The following IST1 variants were observed in gnomAD, a reference collection of about 807,000 sequenced individuals.
IST1 encodes the protein IST1 factor associated with ESCRT-III.
Under a neutral mutation model 37.0 loss-of-function variants are expected in IST1, and 23 were observed. The ratio of observed to expected loss-of-function variants is 0.62; its 90% confidence interval spans 0.45 to 0.88. IST1 has a LOEUF of 0.88. Among genes scored for constraint, IST1 ranks in the 40% least tolerant of loss-of-function variants. The pLI is 0.00. For missense variants in IST1, 488 were observed against 445.4 expected (o/e 1.10, Z -0.86); for synonymous variants, 180 against 161.7 (o/e 1.11, Z -0.86).
chr16:71,908,558 G>C (rs1288268555), intron 1 of IST1, among the ~76,000 whole-genome samples: 1 of 152,164 alleles, frequency 6.6e-6, no homozygotes, highest in Admixed American at 6.6e-5. Context: ...TGGGATTACA[G>C]GTGTGAGCCA....
intron 1 of IST1, among the ~76,000 whole-genome samples, chr16:71,904,280 C>T (rs370148930): frequency 1.1e-4 from 16 of 152,236 alleles, no homozygotes; most frequent in Admixed American, 6.5e-4. Context: ...TATGCCACCA[C>T]GCCTGGCTAA....
rs766865783 is a variant in IST1 at position 71,929,328 on chromosome 16, T to C, written c.*1515T>C. 2.9e-5 allele frequency: 13 copies of C among 451,968 alleles called. No homozygotes were observed. Among genetic ancestry groups the C allele is most frequent in the African/African-American group, 6.0e-5 (3 of 50,230 alleles). The allele number at this position is 451,968 out of a possible 1,614,324, so 28.0% of individuals were successfully genotyped here. A position where few individuals can be genotyped will look rare whatever the true frequency, so the allele number is the denominator to read the frequency against. On this transcript the variant is annotated 3_prime_UTR_variant, in exon 10 of 10. Transcript: ENST00000378799. ...GGTGGTGAGTTCTGTTACTTGCTGCTTGGCAGCAGAGCTAGTTTGTCTCGT... is the reference window on the plus strand; with the variant it reads ...GGTGGTGAGTTCTGTTACTTGCTGCCTGGCAGCAGAGCTAGTTTGTCTCGT...
rs528698833 is a variant in IST1 at position 71,916,374 on chromosome 16, C to T, written c.89-88C>T. On this transcript the variant is annotated intron_variant, in intron 2 of 9. Transcript: ENST00000378799. ...AGGAGCTAGGATATAGTAGAAACACCCAGTTCTTCCTGTTGGGGGGAGATT... is the reference window on the plus strand; with the variant it reads ...AGGAGCTAGGATATAGTAGAAACACTCAGTTCTTCCTGTTGGGGGGAGATT... The T allele has an allele frequency of 3.9e-6, 5 of 1,279,504 alleles. No individual in the cohort carries two copies. In the African/African-American group the frequency reaches 5.9e-5, roughly 15 times the overall value. 79.3% of individuals were successfully genotyped at this position (1,279,504 alleles called of 1,614,324 possible). A position where few individuals can be genotyped will look rare whatever the true frequency, so the allele number is the denominator to read the frequency against.
upstream of IST1, chr16:71,895,380 C>T (rs1377790630): frequency 9.7e-6 from 3 of 308,260 alleles, no homozygotes; most frequent in Non-Finnish European, 1.4e-5. Context: ...CGCGCCGACT[C>T]CAAAGGAAAC....
rs1437121373 is a variant in IST1, at chr16:71,931,191, C to T, written c.*3378C>T. On this transcript the variant is annotated 3_prime_UTR_variant, in exon 10 of 10. Coordinates refer to ENST00000378799, the MANE Select transcript of IST1 (RefSeq NM_001270975.2). ...CTTTTTTATCCCCAAAAGGAGGTGT[C>T]AGCAAAAATTTGTTACTCTGATTAC... 1 of 152,082 alleles carries T rather than the reference C, an allele frequency of 6.6e-6. No homozygotes were observed. Among genetic ancestry groups the T allele is most frequent in the African/African-American group, 2.4e-5 (1 of 41,358 alleles). The allele number at this position is 152,082 out of a possible 1,614,324, so 9.4% of individuals were successfully genotyped here. A position where few individuals can be genotyped will look rare whatever the true frequency, so the allele number is the denominator to read the frequency against.
In IST1 at chr16:71,922,580, C is replaced by T; in HGVS notation, c.659C>T (p.Pro220Leu). The part of the protein sequence containing the change: ...GRGGSGGFTA[P>L]VGGPDGTVPM... ...GGAGGGAGTGGTGGCTTCACAGCAC[C>T]AGTTGGTGGACCTGATGGAACGGTG... The change falls in exon 7 of 10, where the codon CCA (proline) becomes CTA (leucine). Residue 220 changes from proline to leucine, a missense_variant. Physicochemically the swap from Pro to Leu is moderately conservative, Grantham distance 98. Transcript: ENST00000378799. 4 of 1,613,866 alleles carry T rather than the reference C, an allele frequency of 2.5e-6. No individual in the cohort carries two copies. Among genetic ancestry groups the T allele is most frequent in the South Asian group, 1.1e-5 (1 of 91,038 alleles).
chr16:71,921,229 C>G, intron 5 of IST1, 114 bp from the exon 6 acceptor site: 1 of 684,674 alleles, frequency 1.5e-6, no homozygotes, highest in Non-Finnish European at 2.6e-6. Context: ...TGCTCTGAAC[C>G]TTTTTTTCCC....
intron 1 of IST1, among the ~76,000 whole-genome samples, chr16:71,904,046 G>C (rs1204020130): frequency 6.6e-6 from 1 of 152,072 alleles, no homozygotes; most frequent in Non-Finnish European, 1.5e-5. Context: ...ATGTCCTTCT[G>C]TATCCCTGGT....
At chr16:71,921,490 G>T (rs746331028) in intron 6 of IST1, 37 bp downstream of exon 6, 1 of 1,297,842 alleles carries the variant, frequency 7.7e-7, no homozygotes, top group Admixed American at 1.8e-5. Flanking sequence ...AAATGAGTTT[G>T]TAGGTATGAC....
chr16:71,906,083 A>C (rs1260594819), intron 1 of IST1, among the ~76,000 whole-genome samples: 1 of 147,674 alleles, frequency 6.8e-6, no homozygotes, highest in African/African-American at 2.5e-5. Context: ...GGCTCACTGC[A>C]GCCTCTGCCT....
In IST1 at chr16:71,929,222, C is replaced by T. The variant is rs2037828619; in HGVS notation, c.*1409C>T. On this transcript the variant is annotated 3_prime_UTR_variant, in exon 10 of 10. Coordinates refer to ENST00000378799, the MANE Select transcript of IST1 (RefSeq NM_001270975.2). ...GCAGGGCTCCGCATCTGCCATGCCT[C>T]ATCCTTGGATGTTTATTTTTAGTAA... 1 of 218,914 alleles carries T rather than the reference C, an allele frequency of 4.6e-6. No homozygotes were observed. The highest frequency in any genetic ancestry group is 9.2e-6 in the Non-Finnish European group (1 of 109,248). 13.6% of individuals were successfully genotyped at this position (218,914 alleles called of 1,614,324 possible). A position where few individuals can be genotyped will look rare whatever the true frequency, so the allele number is the denominator to read the frequency against.
intron 1 of IST1, among the ~76,000 whole-genome samples, chr16:71,900,202 C>T (rs4788576): frequency 0.8 from 120,213 of 150,336 alleles, 48,407 homozygotes; most frequent in East Asian, 0.98. Flanking sequence ...AATAAAATAA[C>T]ACACGTCAAA....
intron 1 of IST1, among the ~76,000 whole-genome samples, chr16:71,901,436 A>G (rs2037106439): frequency 6.6e-6 from 1 of 152,094 alleles, no homozygotes; most frequent in South Asian, 2.1e-4. Context: ...AATGGTCTCG[A>G]TCTCCTGACC....
intron 1 of IST1, among the ~76,000 whole-genome samples, chr16:71,909,002 AT>A (rs934224368): frequency 1.4e-5 from 2 of 148,140 alleles, no homozygotes; most frequent in African/African-American, 5.0e-5. Context: ...TTTTGTTTCT[AT>A]TTTTAAGGAC....
intron 1 of IST1, among the ~76,000 whole-genome samples, chr16:71,904,668 C>G (rs2037181279): frequency 6.6e-6 from 1 of 152,190 alleles, no homozygotes; most frequent in African/African-American, 2.4e-5. Flanking sequence ...ATCAGCCTCC[C>G]AAAGTGCTGG....
rs1454613911 is a variant in IST1 at position 71,930,250 on chromosome 16, T to A, written c.*2437T>A. On this transcript the variant is annotated 3_prime_UTR_variant, in exon 10 of 10. Coordinates refer to ENST00000378799, the MANE Select transcript of IST1 (RefSeq NM_001270975.2). ...GTTTATACTTTACAAACATAAGCTA[T>A]ATGCTAGTGTTTGGGATCTTATCAG... The A allele has an allele frequency of 7.1e-7, 1 of 1,405,814 alleles. No individual in the cohort carries two copies. Among genetic ancestry groups the A allele is most frequent in the Non-Finnish European group, 9.4e-7 (1 of 1,062,168 alleles). The allele number at this position is 1,405,814 out of a possible 1,614,324, so 87.1% of individuals were successfully genotyped here. A position where few individuals can be genotyped will look rare whatever the true frequency, so the allele number is the denominator to read the frequency against.
At chr16:71,905,148 G>A (rs760186306) in intron 1 of IST1, among the ~76,000 whole-genome samples, 5 of 151,628 alleles carry the variant, frequency 3.3e-5, no homozygotes, top group African/African-American at 4.8e-5. Flanking sequence ...CAATTCTCCC[G>A]CCTCAGCCTC....
chr16:71,922,592 C>T lies in IST1; in HGVS notation c.671C>T (p.Pro224Leu). The T allele has an allele frequency of 6.2e-7, 1 of 1,611,584 alleles. No individual in the cohort carries two copies. The highest frequency in any genetic ancestry group is 8.5e-7 in the Non-Finnish European group (1 of 1,179,356). ...SGGFTAPVGG[P>L]DGTVPMPMPM... ...GGCTTCACAGCACCAGTTGGTGGAC[C>T]TGATGGAACGGTGCCAATGCCCATG... Residue 224 changes from proline to leucine, a missense_variant, in exon 7 of 10, where the codon CCT (proline) becomes CTT (leucine). This residue lies in a region of IST1 where 455 missense variants were observed against 386.2 expected (regional missense o/e 1.18). Transcript: ENST00000378799.
At chr16:71,923,237 A>C (rs781104068) in intron 7 of IST1, 51 bp from the exon 8 acceptor site, 4 of 1,059,536 alleles carry the variant, frequency 3.8e-6, no homozygotes, top group Non-Finnish European at 4.4e-6. Flanking sequence ...CAAACCTTCG[A>C]GATTGCAAAC....
Sources: gnomAD v4.1 joint callset for allele counts (sites outside exome capture counted in the v4.1 genomes callset) on GRCh38, gnomAD v4.1.1 for gene constraint, gnomAD v4.1.1 regional missense constraint, MANE v1.5 for transcripts, NCBI Gene and HGNC (gene_info 2026-07-23, HGNC 2026-07-21) for gene names.